Variants in RGL1 observed in about 807,000 individuals in gnomAD.
The protein encoded by RGL1 is ral guanine nucleotide dissociation stimulator-like 1.
A neutral mutation model predicts 95.2 loss-of-function variants in RGL1; 24 were observed. The ratio of observed to expected loss-of-function variants is 0.25; its 90% CI spans 0.18 to 0.35. RGL1 has a LOEUF of 0.35. RGL1 is among the 10% of genes least tolerant of loss of function. RGL1 has a pLI of 1.00. For synonymous variants in RGL1, 329 were observed against 344.9 expected, an observed-to-expected ratio of 0.95 and a Z score of 0.51; for missense variants, 715 against 936.3, an observed-to-expected ratio of 0.76 and a Z score of 3.08.
At chr1:183,672,928 C>A (rs1652569641) in intron 1 of RGL1, among the ~76,000 whole-genome samples, 1 of 152,158 alleles carries the variant, frequency 6.6e-6, no homozygotes, top group South Asian at 2.1e-4. Context: ...GGTACGTATG[C>A]AGGATGTGCA....
chr1:183,776,542 GA>G (rs1421640142), intron 2 of RGL1, among the ~76,000 whole-genome samples: 1 of 152,116 alleles, frequency 6.6e-6, no homozygotes, highest in Non-Finnish European at 1.5e-5. Context: ...GGATTTAGGA[GA>G]TTCGGAAAAG....
At chr1:183,673,400 T>G (rs563175311) in intron 1 of RGL1, among the ~76,000 whole-genome samples, 58 of 152,344 alleles carry the variant, frequency 3.8e-4, no homozygotes, top group African/African-American at 1.4e-3. Flanking sequence ...TGTCATCTCT[T>G]TGCACTTAGA....
intron 1 of RGL1, among the ~76,000 whole-genome samples, chr1:183,679,823 C>G (rs1483704539): frequency 6.6e-6 from 1 of 152,168 alleles, no homozygotes; most frequent in African/African-American, 2.4e-5. Flanking sequence ...CTAATTTACA[C>G]TCTCACTAAC....
intron 12 of RGL1, 78 bp downstream of exon 12, chr1:183,902,678 T>C: frequency 7.0e-7 from 1 of 1,421,958 alleles, no homozygotes; most frequent in Non-Finnish European, 9.7e-7. Context: ...AGTTTTTTTG[T>C]AGAGGCAGAA....
At chr1:183,735,636 GTTGCTCTCTTAC>G (rs1332272733) in intron 1 of RGL1, among the ~76,000 whole-genome samples, 3 of 152,174 alleles carry the variant, frequency 2.0e-5, no homozygotes, top group Non-Finnish European at 4.4e-5. Flanking sequence ...ATAGGAATCT[GTTGCTCTCTTAC>G]CTCCTAGTAC....
chr1:183,812,324 C>T (rs945951680), intron 2 of RGL1, among the ~76,000 whole-genome samples: 1 of 152,170 alleles, frequency 6.6e-6, no homozygotes, highest in Non-Finnish European at 1.5e-5. Flanking sequence ...TATCTCAAGA[C>T]GTAGAGTTGA....
chr1:183,862,084 G>C (rs1051450793), intron 3 of RGL1, among the ~76,000 whole-genome samples: 11 of 152,130 alleles, frequency 7.2e-5, no homozygotes, highest in African/African-American at 2.7e-4. Context: ...GCTTATGCCT[G>C]TAATCCCAGC....
At chr1:183,786,869 C>A (rs1218670207) in intron 2 of RGL1, among the ~76,000 whole-genome samples, 1 of 152,066 alleles carries the variant, frequency 6.6e-6, no homozygotes, top group East Asian at 1.9e-4. Flanking sequence ...ACATTTGGGG[C>A]TCATTGTGAG....
In RGL1 at chr1:183,739,841, C is replaced by A. The variant is rs1052485345; in HGVS notation, c.-32-2285C>A. ...TGCACAGTAGAGTTCAGTCTTCCAACGCTGAAAATTTGCCAACTTTCACCC... is the reference window on the plus strand; with the variant it reads ...TGCACAGTAGAGTTCAGTCTTCCAAAGCTGAAAATTTGCCAACTTTCACCC... On this transcript the variant is annotated intron_variant, in intron 1 of 18. Coordinates refer to the RGL1 transcript ENST00000304685. Among the ~76,000 whole-genome samples the A allele has an allele frequency of 5.3e-5, 8 of 152,194 alleles. No homozygotes were observed. In the East Asian group the frequency reaches 1.2e-3, roughly 22 times the overall value.
At chr1:183,893,658 T>C (rs939101567) in intron 9 of RGL1, among the ~76,000 whole-genome samples, 1 of 152,148 alleles carries the variant, frequency 6.6e-6, no homozygotes, top group African/African-American at 2.4e-5. Context: ...GTCCTACTTA[T>C]CCTTCATGTC....
Position 183,848,487 on chromosome 1 carries a change from C to T in RGL1, c.347+713C>T, listed in dbSNP as rs143263965. Among the ~76,000 whole-genome samples the T allele has an allele frequency of 5.6e-4, 86 of 152,294 alleles. 1 individual carries two copies. The highest frequency in any genetic ancestry group is 3.1e-3 in the South Asian group (15 of 4,826). On this transcript the variant is annotated intron_variant, in intron 3 of 17. Transcript: ENST00000360851. ...ATTGTTTTAGAATCAGGAGAATCCT[C>T]ATCTAAATCCTTATATTCTGGGGTT...
At chr1:183,760,487 T>C (rs562436704) in intron 2 of RGL1, among the ~76,000 whole-genome samples, 1 of 145,032 alleles carries the variant, frequency 6.9e-6, no homozygotes, top group South Asian at 2.2e-4. Flanking sequence ...ATCCCAGCGC[T>C]GTGGGAGGCT....
Position 183,805,190 on chromosome 1 carries a change from G to A in RGL1, c.-108G>A. 1 of 1,487,154 alleles carries A rather than the reference G, an allele frequency of 6.7e-7. No individual in the cohort carries two copies. The allele number at this position is 1,487,154 out of a possible 1,614,324, so 92.1% of individuals were successfully genotyped here. Reference sequence around the variant, plus strand: ...CGTGTCTGTGCGCTGCGGTCGCTCGGGACCGGGACCGGGGCGAGGCGCCGC... The same window carrying A: ...CGTGTCTGTGCGCTGCGGTCGCTCGAGACCGGGACCGGGGCGAGGCGCCGC... On this transcript the variant is annotated 5_prime_UTR_variant, in exon 1 of 18. Transcript: ENST00000360851.
chr1:183,702,049 C>G (rs1277358260), intron 1 of RGL1, among the ~76,000 whole-genome samples: 2 of 152,144 alleles, frequency 1.3e-5, no homozygotes, highest in Admixed American at 1.3e-4. Flanking sequence ...CTAGGTATGT[C>G]AACTCTAGCT....
At chr1:183,905,044 T>A in intron 13 of RGL1, 73 bp downstream of exon 13, 1 of 1,531,556 alleles carries the variant, frequency 6.5e-7, no homozygotes, top group South Asian at 1.3e-5. Context: ...AATACCTCGC[T>A]GGGTCATTTA....
Position 183,897,771 on chromosome 1 carries a change from T to C in RGL1, c.1141-37T>C, listed in dbSNP as rs767191422. 1.4e-5 allele frequency: 20 copies of C among 1,474,614 alleles called. No homozygotes were observed. The Admixed American group carries it at 3.2e-4, about 23-fold the overall frequency. 91.3% of individuals were successfully genotyped at this position (1,474,614 alleles called of 1,614,324 possible). A position where few individuals can be genotyped will look rare whatever the true frequency, so the allele number is the denominator to read the frequency against. ...TTTACTTCTTACCATTGTGGCATCCTGTATCAATTCCCTCTGTGTGCATTT... is the reference window on the plus strand; with the variant it reads ...TTTACTTCTTACCATTGTGGCATCCCGTATCAATTCCCTCTGTGTGCATTT... On this transcript the variant is annotated intron_variant, in intron 9 of 17. Transcript: ENST00000360851.
chr1:183,671,545 T>C (rs2102053978), intron 1 of RGL1, among the ~76,000 whole-genome samples: 1 of 152,336 alleles, frequency 6.6e-6, no homozygotes, highest in South Asian at 2.1e-4. Context: ...GAAAGACTAG[T>C]TTCTTCTAAG....
intron 1 of RGL1, among the ~76,000 whole-genome samples, chr1:183,643,493 A>T (rs1408825706): frequency 6.6e-6 from 1 of 152,052 alleles, no homozygotes; most frequent in Non-Finnish European, 1.5e-5. Context: ...GGGTTTCACC[A>T]TGTTAGCCAG....
At chr1:183,803,025 A>T (rs1002864030), upstream of RGL1, among the ~76,000 whole-genome samples, 3 of 152,268 alleles carry the variant, frequency 2.0e-5, no homozygotes, top group Non-Finnish European at 4.4e-5. Flanking sequence ...AATGAATATT[A>T]AAAAATTTGT....
Sources: gnomAD v4.1 joint callset for allele counts (sites outside exome capture counted in the v4.1 genomes callset) on GRCh38, gnomAD v4.1.1 for gene constraint, MANE v1.5 for transcripts, NCBI Gene and HGNC (gene_info 2026-07-23, HGNC 2026-07-21) for gene names.